The following GAK variants were observed in gnomAD, a reference collection of about 807,000 sequenced individuals.
GAK encodes cyclin-G-associated kinase.
GAK carries 79 observed loss-of-function variants against 143.9 expected under a neutral mutation model. The ratio of observed to expected loss-of-function variants is 0.55; its 90% CI spans 0.46 to 0.66. The LOEUF (loss-of-function observed/expected upper bound fraction) is 0.66, where lower values mean the gene tolerates loss of function less well. GAK is among the 30% of genes least tolerant of loss of function. The probability of loss-of-function intolerance (pLI) is 0.00; values close to 1 mark genes in which losing one functional copy is unlikely to be tolerated. For synonymous variants in GAK, 881 were observed against 765.5 expected (o/e 1.15, Z -2.49); for missense variants, 1,693 against 1,779.7 (o/e 0.95, Z 0.88).
intron 24 of GAK, among the ~76,000 whole-genome samples, chr4:858,809 A>C (rs1749741137): frequency 6.6e-6 from 1 of 152,202 alleles, no homozygotes; most frequent in African/African-American, 2.4e-5. Context: ...TGAGGCACTC[A>C]GGGAAGGACA....
At position 867,267 on chromosome 4, in the gene GAK, G is replaced by C. The variant is rs533668961; in HGVS notation, c.2561C>G (p.Ala854Gly). The C allele has an allele frequency of 3.0e-5, 49 of 1,613,188 alleles. No homozygotes were observed. The African/African-American group carries it at 5.7e-4, about 19-fold the overall frequency. ...RADPEPPGLA[A>G]GLVQQDLVFE... ...AACCAAGTCCTGCTGCACCAGCCCTGCTGCCAGGCCGGGGGGCTCTGGGTC... is the reference window on the plus strand; with the variant it reads ...AACCAAGTCCTGCTGCACCAGCCCTCCTGCCAGGCCGGGGGGCTCTGGGTC... The change falls in exon 21 of 28, where the codon GCA (alanine) becomes GGA (glycine). Residue 854 changes from alanine to glycine, a missense_variant. By Grantham distance (60) the Ala-to-Gly change is moderately conservative. Coordinates refer to ENST00000314167, the MANE Select transcript of GAK (RefSeq NM_005255.4).
intron 3 of GAK, 79 bp downstream of exon 3, chr4:912,656 C>A (rs71604330): frequency 6.1e-6 from 7 of 1,140,502 alleles, no homozygotes; most frequent in Non-Finnish European, 6.4e-6. Context: ...AGCCTCTTGG[C>A]CACTGGCGGT....
chr4:863,439 G>A (rs558087325), intron 23 of GAK, among the ~76,000 whole-genome samples: 1 of 152,366 alleles, frequency 6.6e-6, no homozygotes, highest in Non-Finnish European at 1.5e-5. Flanking sequence ...GCAGGTTTGG[G>A]AGGACGGAAG....
At chr4:895,594 C>A (rs138244127) in intron 7 of GAK, among the ~76,000 whole-genome samples, 233 of 152,364 alleles carry the variant, frequency 1.5e-3, no homozygotes, top group African/African-American at 5.3e-3. Context: ...GCACGGCTGA[C>A]CCGGTCCGTA....
chr4:860,658 C>G (rs1750106884), intron 23 of GAK, among the ~76,000 whole-genome samples: 1 of 152,174 alleles, frequency 6.6e-6, no homozygotes, highest in Non-Finnish European at 1.5e-5. Flanking sequence ...CTGAAGCGCA[C>G]TTGAGGGGAC....
intron 24 of GAK, chr4:852,929 G>C (rs1389604535): frequency 6.6e-6 from 1 of 152,270 alleles, no homozygotes; most frequent in African/African-American, 2.4e-5. Context: ...GTGAGTGCGG[G>C]GCCGCGCCAC....
intron 9 of GAK, among the ~76,000 whole-genome samples, chr4:891,721 G>A (rs554511773): frequency 3.3e-5 from 5 of 152,246 alleles, no homozygotes; most frequent in Admixed American, 2.0e-4. Flanking sequence ...CCCCCTGCGA[G>A]CCCACTGTCC....
intron 8 of GAK, 89 bp from the exon 9 acceptor site, chr4:893,578 G>T: frequency 1.1e-6 from 1 of 922,420 alleles, no homozygotes; most frequent in Non-Finnish European, 1.6e-6. Flanking sequence ...ACCACCAGAG[G>T]CCACTCCCTC....
intron 6 of GAK, among the ~76,000 whole-genome samples, chr4:897,310 C>T (rs3755964): frequency 0.033 from 5,072 of 152,258 alleles, 118 homozygotes; most frequent in East Asian, 0.093. Flanking sequence ...TGAGAGCTTA[C>T]GGAAAGCAGG....
intron 7 of GAK, among the ~76,000 whole-genome samples, chr4:896,052 A>T (rs1007408718): frequency 1.3e-5 from 2 of 152,096 alleles, no homozygotes; most frequent in African/African-American, 4.8e-5. Context: ...GCTTGAGCTC[A>T]GGAGTTCGAG....
At chr4:895,872 T>A (rs1027070804) in intron 7 of GAK, among the ~76,000 whole-genome samples, 3 of 152,098 alleles carry the variant, frequency 2.0e-5, no homozygotes, top group Non-Finnish European at 4.4e-5. Context: ...CAGGGCCAGA[T>A]GCACAACAAG....
chr4:872,333 C>G (rs900567585), intron 18 of GAK: 1 of 152,234 alleles, frequency 6.6e-6, no homozygotes, highest in South Asian at 2.1e-4. Flanking sequence ...CGGCCGAAGC[C>G]GGGACTGATG....
chr4:876,711 G>A, intron 17 of GAK, 102 bp from the exon 18 acceptor site: 1 of 998,592 alleles, frequency 1.0e-6, no homozygotes, highest in East Asian at 2.4e-5. Flanking sequence ...AGCGGCTCAT[G>A]GTGCTGGAGG....
At chr4:856,420 C>T (rs1749226755) in intron 24 of GAK, among the ~76,000 whole-genome samples, 1 of 138,730 alleles carries the variant, frequency 7.2e-6, no homozygotes. Flanking sequence ...CTCACCACAG[C>T]TGCTCACACC....
At chr4:914,601 C>G (rs1340807928) in intron 1 of GAK, among the ~76,000 whole-genome samples, 2 of 129,410 alleles carry the variant, frequency 1.5e-5, no homozygotes, top group African/African-American at 3.0e-5. Flanking sequence ...GCCCCACACA[C>G]ATAGCCCCAG....
In GAK at chr4:850,192, A is replaced by C. The variant is rs1007256266; in HGVS notation, c.3658-124T>G. ...ACGTGGGGTGGGCTCAGCCCGGCTCACAGACACTGTCCCACTGCACGCCCT... is the reference window on the plus strand; with the variant it reads ...ACGTGGGGTGGGCTCAGCCCGGCTCCCAGACACTGTCCCACTGCACGCCCT... On this transcript the variant is annotated intron_variant, in intron 26 of 27. Transcript: ENST00000314167. The C allele has an allele frequency of 9.7e-6, 9 of 924,780 alleles. No homozygotes were observed. The Admixed American group carries it at 1.9e-4, about 20-fold the overall frequency. 57.3% of individuals were successfully genotyped at this position (924,780 alleles called of 1,614,324 possible). A position where few individuals can be genotyped will look rare whatever the true frequency, so the allele number is the denominator to read the frequency against.
At chr4:884,585 C>G (rs560551820) in intron 11 of GAK, among the ~76,000 whole-genome samples, 1 of 152,330 alleles carries the variant, frequency 6.6e-6, no homozygotes, top group South Asian at 2.1e-4. Context: ...CCTAGAAGCC[C>G]CTGCTGTGGC....
rs557890767 is a variant in GAK at position 874,134 on chromosome 4, T to C, written c.2054+2396A>G. Among the ~76,000 whole-genome samples, 839 of 151,906 alleles carry C rather than the reference T, an allele frequency of 5.5e-3. 7 individuals carry two copies. Among genetic ancestry groups the C allele is most frequent in the Non-Finnish European group, 6.1e-3 (414 of 67,938 alleles). Reference sequence around the variant, plus strand: ...TCCCCTCCTCGGCTGTGTGTGTGTGTGCGCGCTGGTGCTTGTGTGTGTGTA... The same window carrying C: ...TCCCCTCCTCGGCTGTGTGTGTGTGCGCGCGCTGGTGCTTGTGTGTGTGTA... On this transcript the variant is annotated intron_variant, in intron 18 of 27. Coordinates refer to ENST00000314167, the MANE Select transcript of GAK (RefSeq NM_005255.4).
chr4:861,203 G>A (rs963230114), intron 23 of GAK, among the ~76,000 whole-genome samples: 5 of 151,934 alleles, frequency 3.3e-5, no homozygotes, highest in African/African-American at 7.3e-5. Context: ...AACCTACAAC[G>A]GCCTATAAGC....
Sources: allele counts gnomAD v4.1 joint callset (sites outside exome capture counted in the v4.1 genomes callset), GRCh38; gene constraint gnomAD v4.1.1; transcripts MANE v1.5; gene names NCBI Gene and HGNC (gene_info 2026-07-23, HGNC 2026-07-21).